The following ADAMTSL1 variants were observed in gnomAD, a reference collection of about 807,000 sequenced individuals.
The protein encoded by ADAMTSL1 is ADAMTS like 1.
A neutral mutation model predicts 201.8 loss-of-function variants in ADAMTSL1; 126 were observed. The observed-to-expected ratio is 0.62, with a 90% CI of 0.54 to 0.72. ADAMTSL1 has a LOEUF of 0.72. Among genes scored for constraint, ADAMTSL1 ranks in the 30% least tolerant of loss-of-function variants. ADAMTSL1 has a pLI of 0.00. For missense variants in ADAMTSL1, 2,679 were observed against 2,277.8 expected (o/e 1.18, Z -3.59); for synonymous variants, 1,121 against 903.4 (o/e 1.24, Z -4.32).
chr9:18,836,158 A>G (rs556303250), intron 23 of ADAMTSL1, among the ~76,000 whole-genome samples: 1 of 152,254 alleles, frequency 6.6e-6, no homozygotes, highest in East Asian at 1.9e-4. Context: ...CTGCAGCATC[A>G]CCAGCATCTG....
chr9:18,223,490 A>C (rs1374393230), intron 2 of ADAMTSL1, among the ~76,000 whole-genome samples: 3 of 151,958 alleles, frequency 2.0e-5, no homozygotes, highest in Admixed American at 6.6e-5. Context: ...TTTAATATGC[A>C]TTTATCTCCA....
At chr9:18,469,524 A>G (rs145382013), upstream of ADAMTSL1, among the ~76,000 whole-genome samples, 1,283 of 152,372 alleles carry the variant, frequency 8.4e-3, 8 homozygotes, top group Non-Finnish European at 0.011. Flanking sequence ...TGAAGATTCC[A>G]GTGCTGCTTT....
intron 15 of ADAMTSL1, among the ~76,000 whole-genome samples, chr9:18,725,419 A>T (rs1324199489): frequency 6.6e-6 from 1 of 152,204 alleles, no homozygotes; most frequent in African/African-American, 2.4e-5. Flanking sequence ...GATTAACCAT[A>T]AGCAGTTAGG....
At chr9:18,617,247 A>G (rs1825748065) in intron 4 of ADAMTSL1, among the ~76,000 whole-genome samples, 1 of 152,138 alleles carries the variant, frequency 6.6e-6, no homozygotes, top group African/African-American at 2.4e-5. Context: ...GATTATGTTT[A>G]TTTATGTTCT....
intron 23 of ADAMTSL1, among the ~76,000 whole-genome samples, chr9:18,869,382 A>C (rs548512161): frequency 3.3e-4 from 51 of 152,330 alleles, no homozygotes; most frequent in African/African-American, 1.2e-3. Context: ...CCTCCAGGGA[A>C]ATTGCAGAGC....
chr9:18,151,318 T>C (rs1826900868), intron 1 of ADAMTSL1, among the ~76,000 whole-genome samples: 1 of 152,048 alleles, frequency 6.6e-6, no homozygotes, highest in Non-Finnish European at 1.5e-5. Flanking sequence ...TCTACTATTA[T>C]AGAGGATGTG....
chr9:18,168,218 C>T (rs1261058611), intron 2 of ADAMTSL1, among the ~76,000 whole-genome samples: 1 of 151,946 alleles, frequency 6.6e-6, no homozygotes, highest in East Asian at 1.9e-4. Context: ...CACCCATTAA[C>T]TCATCATTTA....
chr9:18,036,685 G>A (rs1821213053), intron 1 of ADAMTSL1, among the ~76,000 whole-genome samples: 1 of 152,190 alleles, frequency 6.6e-6, no homozygotes, highest in Non-Finnish European at 1.5e-5. Context: ...GGAGGTATCA[G>A]ATATCTTCGT....
intron 2 of ADAMTSL1, among the ~76,000 whole-genome samples, chr9:18,531,387 G>A (rs1819434213): frequency 6.6e-6 from 1 of 152,176 alleles, no homozygotes; most frequent in Non-Finnish European, 1.5e-5. Context: ...TCTTGTCAAT[G>A]GGACATGCAG....
intron 26 of ADAMTSL1, chr9:18,905,369 T>C (rs73425265): frequency 0.15 from 23,924 of 163,640 alleles, 3,478 homozygotes; most frequent in African/African-American, 0.39. Context: ...GAGTTGGTTA[T>C]TTGGATGACT....
At chr9:18,267,309 T>C (rs536414166) in intron 2 of ADAMTSL1, among the ~76,000 whole-genome samples, 2 of 152,252 alleles carry the variant, frequency 1.3e-5, no homozygotes, top group African/African-American at 4.8e-5. Context: ...CAGTTCCAGA[T>C]GGTATTTAAA....
At chr9:18,088,350 G>A (rs906042351) in intron 1 of ADAMTSL1, among the ~76,000 whole-genome samples, 1 of 152,128 alleles carries the variant, frequency 6.6e-6, no homozygotes, top group Non-Finnish European at 1.5e-5. Flanking sequence ...TGACTTCATG[G>A]ATAAGATACT....
chr9:18,003,398 C>G (rs1819691243), intron 1 of ADAMTSL1, among the ~76,000 whole-genome samples: 1 of 152,058 alleles, frequency 6.6e-6, no homozygotes, highest in East Asian at 1.9e-4. Context: ...ACCAAGTGCT[C>G]CATTTGTTTC....
At chr9:18,773,240 A>G (rs1427534529) in intron 17 of ADAMTSL1, among the ~76,000 whole-genome samples, 1 of 152,212 alleles carries the variant, frequency 6.6e-6, no homozygotes, top group Non-Finnish European at 1.5e-5. Context: ...CCAAAGTTTT[A>G]GACATTTCAA....
chr9:18,170,397 A>G (rs1285288647), intron 2 of ADAMTSL1, among the ~76,000 whole-genome samples: 2 of 152,104 alleles, frequency 1.3e-5, no homozygotes, highest in Non-Finnish European at 2.9e-5. Context: ...TTGGCAATAT[A>G]GAGCTATTTA....
chr9:18,690,430 ATATAGTGTTACTATT>A (rs1831143318), intron 13 of ADAMTSL1, among the ~76,000 whole-genome samples: 2 of 152,180 alleles, frequency 1.3e-5, no homozygotes, highest in Non-Finnish European at 2.9e-5. Flanking sequence ...TTATGGGTCC[ATATAGTGTTACTATT>A]TATATTCTAA....
At chr9:18,493,881 G>C (rs544084421) in intron 1 of ADAMTSL1, among the ~76,000 whole-genome samples, 29 of 152,306 alleles carry the variant, frequency 1.9e-4, no homozygotes, top group African/African-American at 7.0e-4. Context: ...TATTCACTGA[G>C]ACCGATTACG....
intron 19 of ADAMTSL1, among the ~76,000 whole-genome samples, chr9:18,787,260 T>C (rs925176731): frequency 6.6e-6 from 1 of 152,082 alleles, no homozygotes; most frequent in Non-Finnish European, 1.5e-5. Context: ...AAAAGAACCG[T>C]CCCAGTAAAT....
Position 18,661,992 on chromosome 9 carries a change from A to C in ADAMTSL1, c.1004A>C (p.Asp335Ala). The change falls in exon 9 of 29, where the codon GAC becomes GCC. Residue 335 changes from aspartate to alanine, a missense_variant. By Grantham distance (126) the Asp-to-Ala change is moderately radical. Coordinates refer to ENST00000380548, the MANE Select transcript of ADAMTSL1 (RefSeq NM_001040272.6). The stretch of plus-strand genomic sequence containing the variant: ...CTGAGGAGCAACCGTGTGGTTGCTG[A>C]CCAATACTGTCACTATTACCCAGAG... ...YDLRSNRVVA[D>A]QYCHYYPENI... is the part of the protein sequence containing the mutation. 1 of 1,614,064 alleles carries C rather than the reference A, an allele frequency of 6.2e-7. No individual in the cohort carries two copies. The highest frequency in any genetic ancestry group is 8.5e-7 in the Non-Finnish European group (1 of 1,179,934).
Sources: gnomAD v4.1 joint callset for allele counts (sites outside exome capture counted in the v4.1 genomes callset) on GRCh38, gnomAD v4.1.1 for gene constraint, MANE v1.5 for transcripts, NCBI Gene and HGNC (gene_info 2026-07-23, HGNC 2026-07-21) for gene names.